ANKRD17: variants seen among roughly 807,000 people sequenced by gnomAD.
ANKRD17 encodes ankyrin repeat domain 17, also known as ankyrin repeat domain-containing protein 17.
ANKRD17 carries 19 observed loss-of-function variants against 229.7 expected under a neutral mutation model. The ratio of observed to expected loss-of-function variants is 0.08; its 90% CI spans 0.06 to 0.12. The LOEUF (loss-of-function observed/expected upper bound fraction) is 0.12, where lower values mean the gene tolerates loss of function less well. Ranked by LOEUF, ANKRD17 falls within the 10% of genes least tolerant of loss-of-function variation. ANKRD17 has a pLI of 1.00. For synonymous variants in ANKRD17, 1,112 were observed against 1,146.1 expected (o/e 0.97, Z 0.60); for missense variants, 2,176 against 3,176.8 (o/e 0.68, Z 7.57).
chr4:73,102,337 G>C (rs1445635307), intron 25 of ANKRD17, 39 bp downstream of exon 25: 2 of 1,545,744 alleles, frequency 1.3e-6, no homozygotes, highest in Non-Finnish European at 8.7e-7. Context: ...ATTTTAACTA[G>C]AATATAAAAC....
At chr4:73,103,503 C>A (rs964930005) in intron 24 of ANKRD17, among the ~76,000 whole-genome samples, 1 of 152,098 alleles carries the variant, frequency 6.6e-6, no homozygotes, top group Non-Finnish European at 1.5e-5. Flanking sequence ...TCTTAATAAA[C>A]TATTTTAACT....
At chr4:73,183,691 T>C (rs567852566) in intron 1 of ANKRD17, among the ~76,000 whole-genome samples, 1 of 152,272 alleles carries the variant, frequency 6.6e-6, no homozygotes, top group African/African-American at 2.4e-5. Context: ...ACAAGTTTTG[T>C]GTATTTTGGT....
intron 1 of ANKRD17, among the ~76,000 whole-genome samples, chr4:73,193,131 T>A (rs748397520): frequency 6.6e-6 from 1 of 152,216 alleles, no homozygotes; most frequent in Non-Finnish European, 1.5e-5. Context: ...ACTTTTCTGT[T>A]ACTTTCATTT....
At chr4:73,096,771 G>A (rs957110999) in intron 27 of ANKRD17, among the ~76,000 whole-genome samples, 7 of 152,152 alleles carry the variant, frequency 4.6e-5, no homozygotes, top group African/African-American at 1.7e-4. Context: ...CAGTTACTAT[G>A]ATTAGATCAA....
chr4:73,212,755 C>G (rs1740461791), intron 1 of ANKRD17, among the ~76,000 whole-genome samples: 1 of 152,054 alleles, frequency 6.6e-6, no homozygotes, highest in African/African-American at 2.4e-5. Flanking sequence ...GTGGCTCACG[C>G]CTGTAATACC....
At chr4:73,228,008 T>C (rs1243423892) in intron 1 of ANKRD17, among the ~76,000 whole-genome samples, 1 of 152,056 alleles carries the variant, frequency 6.6e-6, no homozygotes, top group East Asian at 1.9e-4. Flanking sequence ...CAACTGGTGG[T>C]AGGAAAAATT....
chr4:73,145,890 A>G (rs952832067), intron 10 of ANKRD17, among the ~76,000 whole-genome samples: 2 of 152,164 alleles, frequency 1.3e-5, no homozygotes, highest in Admixed American at 6.5e-5. Context: ...TTATAAAATT[A>G]ATTACTGAAG....
chr4:73,108,577 A>G (rs977567774), intron 24 of ANKRD17, among the ~76,000 whole-genome samples: 1 of 152,190 alleles, frequency 6.6e-6, no homozygotes, highest in Admixed American at 6.5e-5. Context: ...TGAAGAGAGT[A>G]TATCAAATGT....
chr4:73,200,207 T>A (rs1480558901), intron 1 of ANKRD17, among the ~76,000 whole-genome samples: 5 of 152,196 alleles, frequency 3.3e-5, no homozygotes, highest in Non-Finnish European at 7.4e-5. Context: ...AGTAAATAAA[T>A]CTTTACTCTC....
intron 1 of ANKRD17, among the ~76,000 whole-genome samples, chr4:73,210,180 T>C (rs1477017164): frequency 6.6e-6 from 1 of 151,828 alleles, no homozygotes; most frequent in African/African-American, 2.4e-5. Context: ...GTACATATGA[T>C]CCAAGTAGAT....
chr4:73,162,296 G>A (rs559007835), intron 2 of ANKRD17, among the ~76,000 whole-genome samples: 26 of 152,088 alleles, frequency 1.7e-4, no homozygotes, highest in Admixed American at 3.3e-4. Flanking sequence ...GGAATCCTCC[G>A]GCCTCAGCAT....
chr4:73,175,805 T>C (rs931150778), intron 2 of ANKRD17, among the ~76,000 whole-genome samples: 27 of 152,028 alleles, frequency 1.8e-4, no homozygotes, highest in Admixed American at 1.6e-3. Flanking sequence ...AAAAATAGAA[T>C]CAAAATGGAT....
At chr4:73,122,085 C>T (rs1380331361) in intron 18 of ANKRD17, among the ~76,000 whole-genome samples, 1 of 152,026 alleles carries the variant, frequency 6.6e-6, no homozygotes, top group Non-Finnish European at 1.5e-5. Flanking sequence ...TAATATGGGA[C>T]AAGATTTTTT....
intron 2 of ANKRD17, among the ~76,000 whole-genome samples, chr4:73,171,947 TAA>T (rs1192351102): frequency 5.9e-5 from 9 of 152,008 alleles, no homozygotes; most frequent in Non-Finnish European, 1.0e-4. Flanking sequence ...ATGGCAAATC[TAA>T]AAGTTATTGG....
chr4:73,203,257 A>G (rs1455636603), intron 1 of ANKRD17, among the ~76,000 whole-genome samples: 1 of 152,062 alleles, frequency 6.6e-6, no homozygotes, highest in Non-Finnish European at 1.5e-5. Flanking sequence ...CCTACTTTTT[A>G]GTAGAAAATG....
intron 1 of ANKRD17, among the ~76,000 whole-genome samples, chr4:73,180,427 G>A (rs1307499257): frequency 6.6e-6 from 1 of 152,114 alleles, no homozygotes; most frequent in Non-Finnish European, 1.5e-5. Flanking sequence ...AGTCCCCTAT[G>A]CCACAGATAT....
chr4:73,208,847 A>G (rs1247084057), intron 1 of ANKRD17, among the ~76,000 whole-genome samples: 1 of 152,218 alleles, frequency 6.6e-6, no homozygotes, highest in African/African-American at 2.4e-5. Flanking sequence ...GCTTCCACAT[A>G]AAACTAGAAA....
chr4:73,193,053 A>T (rs1016906358), intron 1 of ANKRD17, among the ~76,000 whole-genome samples: 1 of 152,162 alleles, frequency 6.6e-6, no homozygotes, highest in African/African-American at 2.4e-5. Flanking sequence ...GTATTTTAAC[A>T]CTCAAAAATT....
At chr4:73,213,559 G>T (rs1296128107) in intron 1 of ANKRD17, among the ~76,000 whole-genome samples, 1 of 152,154 alleles carries the variant, frequency 6.6e-6, no homozygotes. Flanking sequence ...ATGGTGGTGG[G>T]AAGATATGGA....
Sources: allele counts gnomAD v4.1 joint callset (sites outside exome capture counted in the v4.1 genomes callset), GRCh38; gene constraint gnomAD v4.1.1; transcripts MANE v1.5; gene names NCBI Gene and HGNC (gene_info 2026-07-23, HGNC 2026-07-21).